COL8A2: variants seen among roughly 807,000 people sequenced by gnomAD.
The protein encoded by COL8A2 is collagen type VIII alpha 2 chain.
A neutral mutation model predicts 24.0 loss-of-function variants in COL8A2; 16 were observed. The ratio of observed to expected loss-of-function variants is 0.67; its 90% confidence interval spans 0.45 to 1.01. The LOEUF (loss-of-function observed/expected upper bound fraction) is 1.01. Ranked by LOEUF, COL8A2 falls within the 50% of genes least tolerant of loss-of-function variation. The probability of loss-of-function intolerance (pLI) is 0.00; values close to 1 mark genes in which losing one functional copy is unlikely to be tolerated. For missense variants in COL8A2, 818 were observed against 942.4 expected (o/e 0.87, Z 1.73); for synonymous variants, 466 against 424.5 (o/e 1.10, Z -1.20).
At chr1:36,107,879 C>T (rs1184514487) in intron 2 of COL8A2, among the ~76,000 whole-genome samples, 3 of 152,104 alleles carry the variant, frequency 2.0e-5, no homozygotes, top group Admixed American at 1.3e-4. Context: ...TCTGCCCTCT[C>T]GACACCTGGG....
intron 2 of COL8A2, among the ~76,000 whole-genome samples, chr1:36,100,912 T>TTTTTTTG (rs1292238409): frequency 2.8e-5 from 4 of 142,248 alleles, no homozygotes; most frequent in African/African-American, 1.1e-4. Flanking sequence ...TTTTTTTTTT[T>TTTTTTTG]TTTTTGAGAC....
chr1:36,107,944 C>T (rs922423743), intron 2 of COL8A2, among the ~76,000 whole-genome samples: 1 of 152,090 alleles, frequency 6.6e-6, no homozygotes, highest in Non-Finnish European at 1.5e-5. Context: ...TCCCCGTCAT[C>T]GCTCTTGTTT....
intron 1 of COL8A2, among the ~76,000 whole-genome samples, chr1:36,120,800 G>A (rs1643907529): frequency 6.9e-6 from 1 of 145,054 alleles, no homozygotes; most frequent in African/African-American, 2.6e-5. Context: ...AGGAAGGAAG[G>A]AAGAAAGGCC....
At chr1:36,101,644 A>T (rs1481912105) in intron 2 of COL8A2, among the ~76,000 whole-genome samples, 1 of 152,254 alleles carries the variant, frequency 6.6e-6, no homozygotes, top group African/African-American at 2.4e-5. Context: ...GTGAATGTTC[A>T]TAATAGCGAT....
Position 36,123,692 on chromosome 1 carries a change from C to T in COL8A2, c.-62+1365G>A, listed in dbSNP as rs188819031. Among the ~76,000 whole-genome samples, 8 of 152,138 alleles carry T rather than the reference C, an allele frequency of 5.3e-5. No homozygotes were observed. In the East Asian group the frequency reaches 5.8e-4, roughly 11 times the overall value. ...GTATGTTTCATTAGAGGAGGGTGTC[C>T]GCATGAATCTAATGAATGTTTGGGT... On this transcript the variant is annotated intron_variant, in intron 1 of 3. Coordinates refer to ENST00000397799, the MANE Select transcript of COL8A2 (RefSeq NM_005202.4). This position sits in a 1 kb window ranked among gnomAD's most constrained non-coding sequence, Gnocchi z 4.1.
chr1:36,114,306 G>A (rs1353073972), intron 2 of COL8A2, among the ~76,000 whole-genome samples: 12 of 127,712 alleles, frequency 9.4e-5, no homozygotes, highest in Non-Finnish European at 3.3e-5. Context: ...GCGACAGAGC[G>A]AGACTCCATC....
In COL8A2 at chr1:36,096,672, A is replaced by G. The variant is rs1005945210; in HGVS notation, c.*897T>C. 3 of 152,368 alleles carry G rather than the reference A, an allele frequency of 2.0e-5. No individual in the cohort carries two copies. Among genetic ancestry groups the G allele is most frequent in the African/African-American group, 7.2e-5 (3 of 41,460 alleles). The allele number at this position is 152,368 out of a possible 1,614,324, so 9.4% of individuals were successfully genotyped here. A position where few individuals can be genotyped will look rare whatever the true frequency, so the allele number is the denominator to read the frequency against. Reference sequence around the variant, plus strand: ...ACCAGCCCAGCCCGCAGCAGGTGGAAGGGGAGAAAGGGAAGAGTGCTCATG... The same window carrying G: ...ACCAGCCCAGCCCGCAGCAGGTGGAGGGGGAGAAAGGGAAGAGTGCTCATG... On this transcript the variant is annotated 3_prime_UTR_variant, in exon 4 of 4. Coordinates refer to ENST00000397799, the MANE Select transcript of COL8A2 (RefSeq NM_005202.4).
intron 2 of COL8A2, among the ~76,000 whole-genome samples, chr1:36,103,520 A>G (rs1310874306): frequency 2.0e-5 from 3 of 151,384 alleles, no homozygotes; most frequent in African/African-American, 7.3e-5. Context: ...TGATCTGCCC[A>G]CCTCGGCCTC....
At chr1:36,112,090 G>A (rs925859146) in intron 2 of COL8A2, among the ~76,000 whole-genome samples, 23 of 152,074 alleles carry the variant, frequency 1.5e-4, no homozygotes, top group African/African-American at 5.3e-4. Context: ...TGCAAACTCC[G>A]CCTCCCAGGT....
chr1:36,117,933 A>T (rs769345447), intron 1 of COL8A2, among the ~76,000 whole-genome samples: 52 of 152,058 alleles, frequency 3.4e-4, no homozygotes, highest in East Asian at 7.7e-4. Context: ...GCTTTTCACC[A>T]TACAGATGAT....
chr1:36,103,902 A>T (rs891315584), intron 2 of COL8A2, among the ~76,000 whole-genome samples: 1 of 151,398 alleles, frequency 6.6e-6, no homozygotes, highest in African/African-American at 2.4e-5. Flanking sequence ...TTATTTTTTT[A>T]AAGTGAGTTA....
intron 1 of COL8A2, among the ~76,000 whole-genome samples, chr1:36,118,747 C>T (rs1474690832): frequency 2.0e-5 from 3 of 152,046 alleles, no homozygotes; most frequent in Non-Finnish European, 2.9e-5. Flanking sequence ...GCCTCAGGCC[C>T]GCTTCCCCAT....
chr1:36,115,777 G>A lies in COL8A2; in HGVS notation c.-61-25C>T, dbSNP rs1643876172. 2.0e-6 allele frequency: 2 copies of A among 984,838 alleles called. No homozygotes were observed. Among genetic ancestry groups the A allele is most frequent in the Non-Finnish European group, 2.4e-6 (2 of 829,426 alleles). 61.0% of individuals were successfully genotyped at this position (984,838 alleles called of 1,614,324 possible). ...CCTGAGGATGAACAAGAGAAACAGT[G>A]AGGCTATGGGGCAGTGGCTCAAGCT... is the stretch of plus-strand genomic sequence containing the variant. On this transcript the variant is annotated intron_variant, in intron 1 of 3. Transcript: ENST00000397799. This position sits in a 1 kb window ranked among gnomAD's most constrained non-coding sequence, Gnocchi z 5.7.
At position 36,098,498 on chromosome 1, in the gene COL8A2, C is replaced by A; in HGVS notation, c.1183G>T (p.Asp395Tyr). The A allele has an allele frequency of 1.3e-6, 2 of 1,585,868 alleles. No homozygotes were observed. The highest frequency in any genetic ancestry group is 1.7e-6 in the Non-Finnish European group (2 of 1,166,704). Residue 395 changes from aspartate to tyrosine, a missense_variant, in exon 4 of 4, where the codon GAC becomes TAC. Asp to Tyr is a radical substitution (Grantham distance 160, BLOSUM62 -3). This residue lies in a region of COL8A2 where 573 missense variants were observed against 616.8 expected (regional missense o/e 0.93). Coordinates refer to ENST00000397799, the MANE Select transcript of COL8A2 (RefSeq NM_005202.4). ...CCAGCCAGGCCACTAGGCCCCTGGT[C>A]ACCTCGAATGCCAGGCACTCCTGGG... is the stretch of plus-strand genomic sequence containing the variant. ...GPPGVPGIRG[D>Y]QGPSGLAGKP... is the part of the protein sequence containing the mutation.
chr1:36,108,986 G>A lies in COL8A2; in HGVS notation c.-17+6722C>T, dbSNP rs1005662287. ...GTCTCAATAAAAAAGGGGGGCCTGA[G>A]AGTTGGTGCCTCAGGACCCCAGGCA... On this transcript the variant is annotated intron_variant, in intron 2 of 3. Transcript: ENST00000397799. Among the ~76,000 whole-genome samples the A allele has an allele frequency of 1.1e-4, 16 of 152,128 alleles. 1 individual carries two copies. In the East Asian group the frequency reaches 3.1e-3, roughly 29 times the overall value.
rs754865233 is a variant in COL8A2 at position 36,098,235 on chromosome 1, C to T, written c.1446G>A (p.Leu482=). Reference sequence around the variant, plus strand: ...GCCCTGGCAGGCCTGGTTCCCCCTTCAGGCCCGGCAGGCCTTGGGGCCCAA... The same window carrying T: ...GCCCTGGCAGGCCTGGTTCCCCCTTTAGGCCCGGCAGGCCTTGGGGCCCAA... ...GPIGPQGLPG[L]KGEPGLPGPP... is the part of the protein sequence containing the mutation. The change falls in exon 4 of 4, where the codon CTG becomes CTA. Residue 482 remains leucine (L), a synonymous_variant. Transcript: ENST00000397799. 6.5e-7 allele frequency: 1 copy of T among 1,543,434 alleles called. No individual in the cohort carries two copies. The highest frequency in any genetic ancestry group is 2.0e-5 in the Admixed American group (1 of 50,884).
rs1426134266 is a variant in COL8A2 at position 36,098,997 on chromosome 1, G to A, written c.684C>T (p.Pro228=). 21 of 1,572,192 alleles carry A rather than the reference G, an allele frequency of 1.3e-5. No homozygotes were observed. Among genetic ancestry groups the A allele is most frequent in the South Asian group, 4.5e-5 (4 of 88,232 alleles). The part of the protein sequence containing the change: ...APGQGGAPGP[P]GLPGPAGLGK... ...CTAAGCCAGCTGGACCAGGGAGGCCGGGGGGGCCGGGGGCACCCCCCTGCC... is the reference window on the plus strand; with the variant it reads ...CTAAGCCAGCTGGACCAGGGAGGCCAGGGGGGCCGGGGGCACCCCCCTGCC... The change falls in exon 4 of 4, where the codon CCC becomes CCT. Residue 228 remains proline (P), a synonymous_variant. Coordinates refer to ENST00000397799, the MANE Select transcript of COL8A2 (RefSeq NM_005202.4).
rs1237669368 is a variant in COL8A2 at position 36,096,302 on chromosome 1, A to C, written c.*1267T>G. The C allele has an allele frequency of 6.6e-6, 1 of 152,310 alleles. No individual in the cohort carries two copies. Among genetic ancestry groups the C allele is most frequent in the Non-Finnish European group, 1.5e-5 (1 of 68,100 alleles). 9.4% of individuals were successfully genotyped at this position (152,310 alleles called of 1,614,324 possible). A position where few individuals can be genotyped will look rare whatever the true frequency, so the allele number is the denominator to read the frequency against. On this transcript the variant is annotated 3_prime_UTR_variant, in exon 4 of 4. Transcript: ENST00000397799. ...GAGGGGCATCCTGCCTGTTTCCTGC[A>C]GAGGAGCTCTGATCGGGGAACAGGG...
chr1:36,100,100 T>C lies in COL8A2; in HGVS notation c.143A>G (p.Gln48Arg). Residue 48 changes from glutamine (Q) to arginine (R), a missense_variant, in exon 3 of 4, where the codon CAG becomes CGG. Gln to Arg is a conservative substitution (Grantham distance 43). Around this residue, in one of 3 missense-constraint regions of COL8A2, gnomAD observed 573 missense variants for 616.8 expected, o/e 0.93. Transcript: ENST00000397799. ...YAPVKYIQPM[Q>R]KGPVGPPFRE... ...GAAGGGCGGTCCCACAGGTCCTTTCTGCATGGGCTGGATGTACTTCACTGG... is the reference window on the plus strand; with the variant it reads ...GAAGGGCGGTCCCACAGGTCCTTTCCGCATGGGCTGGATGTACTTCACTGG... 2 of 1,612,794 alleles carry C rather than the reference T, an allele frequency of 1.2e-6. No individual in the cohort carries two copies. The highest frequency in any genetic ancestry group is 1.7e-6 in the Non-Finnish European group (2 of 1,179,120).
Sources: gnomAD v4.1 joint callset for allele counts (sites outside exome capture counted in the v4.1 genomes callset) on GRCh38, gnomAD v4.1.1 for gene constraint, gnomAD v4.1.1 regional missense constraint, Gnocchi (gnomAD v3.1) non-coding constraint, MANE v1.5 for transcripts, NCBI Gene and HGNC (gene_info 2026-07-23, HGNC 2026-07-21) for gene names.